TSHZ2: variants seen among roughly 807,000 people sequenced by gnomAD.
TSHZ2 encodes teashirt homolog 2.
TSHZ2 carries 21 observed loss-of-function variants against 74.4 expected under a neutral mutation model. The ratio of observed to expected loss-of-function variants is 0.28; its 90% confidence interval spans 0.20 to 0.41. The LOEUF (loss-of-function observed/expected upper bound fraction) is 0.41. Among genes scored for constraint, TSHZ2 ranks in the 10% least tolerant of loss-of-function variants. TSHZ2 has a pLI of 1.00. For synonymous variants in TSHZ2, 540 were observed against 515.3 expected (o/e 1.05, Z -0.65); for missense variants, 1,244 against 1,293.5 (o/e 0.96, Z 0.59).
intron 2 of TSHZ2, among the ~76,000 whole-genome samples, chr20:53,472,817 A>C (rs1985859831): frequency 6.6e-6 from 1 of 151,846 alleles, no homozygotes; most frequent in African/African-American, 2.4e-5. Flanking sequence ...GCGCGAGCCG[A>C]AGCAGGGTGA....
At chr20:53,137,949 T>C (rs1005781195) in intron 1 of TSHZ2, among the ~76,000 whole-genome samples, 2 of 152,186 alleles carry the variant, frequency 1.3e-5, no homozygotes, top group Admixed American at 6.5e-5. Flanking sequence ...TATTTTTAAG[T>C]GAGCTACTTA....
In TSHZ2 at chr20:53,453,629, G is replaced by C. The variant is rs571087380; in HGVS notation, c.*9-33515G>C. 5.9e-5 allele frequency among the ~76,000 whole-genome samples: 9 copies of C among 152,300 alleles called. No homozygotes were observed. The South Asian group carries it at 6.2e-4, about 11-fold the overall frequency. On this transcript the variant is annotated intron_variant, in intron 2 of 2. Coordinates refer to ENST00000371497, the MANE Select transcript of TSHZ2 (RefSeq NM_173485.6). ...GAAAAGCCACTTATGTGATAATGAA[G>C]ATTAACGTAGGGAGCCGCTGGCTCT...
chr20:53,378,296 C>A (rs943703574), intron 2 of TSHZ2, among the ~76,000 whole-genome samples: 7 of 150,044 alleles, frequency 4.7e-5, no homozygotes, highest in Admixed American at 4.0e-4. Flanking sequence ...GCCAAGATTG[C>A]GCCACTACAC....
intron 1 of TSHZ2, among the ~76,000 whole-genome samples, chr20:53,087,981 A>AT (rs1296284557): frequency 1.3e-5 from 2 of 152,136 alleles, no homozygotes; most frequent in Non-Finnish European, 2.9e-5. Flanking sequence ...ACCTGGCATT[A>AT]TTTTTTAAAA....
intron 1 of TSHZ2, 23 bp downstream of exon 1, chr20:52,973,356 G>C (rs1393863412): frequency 3.9e-6 from 6 of 1,550,660 alleles, no homozygotes; most frequent in Non-Finnish European, 5.2e-6. Flanking sequence ...GCTCCGCTTC[G>C]GGGCTGCCCT....
intron 1 of TSHZ2, among the ~76,000 whole-genome samples, chr20:53,082,718 A>T (rs1985575973): frequency 6.6e-6 from 1 of 152,238 alleles, no homozygotes; most frequent in African/African-American, 2.4e-5. Context: ...AGCCACCTAA[A>T]TGTGAAAGAA....
At chr20:53,412,181 G>C (rs186320919) in intron 2 of TSHZ2, among the ~76,000 whole-genome samples, 3 of 152,150 alleles carry the variant, frequency 2.0e-5, no homozygotes, top group Non-Finnish European at 1.5e-5. Context: ...TAACACGTCC[G>C]GTCCTGCTCT....
intron 1 of TSHZ2, among the ~76,000 whole-genome samples, chr20:53,007,737 C>CGTGT (rs35218931): frequency 0.033 from 4,875 of 148,056 alleles, 197 homozygotes; most frequent in African/African-American, 0.096. Flanking sequence ...TATGTATATT[C>CGTGT]GTGTGTGTGT....
intron 2 of TSHZ2, among the ~76,000 whole-genome samples, chr20:53,384,021 G>A (rs879777109): frequency 6.6e-6 from 1 of 152,110 alleles, no homozygotes; most frequent in African/African-American, 2.4e-5. Flanking sequence ...TCCACCTGGG[G>A]CTCTGCATTT....
intron 1 of TSHZ2, among the ~76,000 whole-genome samples, chr20:52,990,520 C>G (rs1464703869): frequency 6.6e-6 from 1 of 152,128 alleles, no homozygotes; most frequent in East Asian, 1.9e-4. Flanking sequence ...AGAAATCACA[C>G]TTGTCCTCAG....
chr20:53,331,946 C>A (rs978522996), intron 2 of TSHZ2, among the ~76,000 whole-genome samples: 1 of 152,120 alleles, frequency 6.6e-6, no homozygotes, highest in African/African-American at 2.4e-5. Context: ...GGGGTTGGAA[C>A]AAGCTTGAGG....
intron 2 of TSHZ2, among the ~76,000 whole-genome samples, chr20:53,381,307 C>T (rs957376819): frequency 3.3e-5 from 5 of 152,256 alleles, no homozygotes; most frequent in Non-Finnish European, 7.4e-5. Flanking sequence ...ACCTCACATA[C>T]GAAAGGTAGA....
chr20:53,251,261 T>G (rs1161861150), intron 1 of TSHZ2, among the ~76,000 whole-genome samples: 1 of 152,220 alleles, frequency 6.6e-6, no homozygotes, highest in African/African-American at 2.4e-5. Flanking sequence ...ACCCCTTCAT[T>G]CTCCAAGTGA....
intron 2 of TSHZ2, among the ~76,000 whole-genome samples, chr20:53,328,004 A>G (rs1979566387): frequency 6.6e-6 from 1 of 152,210 alleles, no homozygotes; most frequent in Non-Finnish European, 1.5e-5. Context: ...GAAGAGGCCA[A>G]CCAGGGCCTG....
chr20:53,456,499 T>C (rs369109986), intron 2 of TSHZ2, among the ~76,000 whole-genome samples: 1 of 128,228 alleles, frequency 7.8e-6, no homozygotes, highest in Admixed American at 7.9e-5. Context: ...TTCTCCCATT[T>C]TGTAGGTTGC....
At chr20:53,049,736 T>A (rs545175533) in intron 1 of TSHZ2, among the ~76,000 whole-genome samples, 7 of 151,998 alleles carry the variant, frequency 4.6e-5, no homozygotes, top group African/African-American at 7.2e-5. Context: ...AAATGGTGAA[T>A]GAAGCACACA....
chr20:53,465,148 A>G (rs1449236759), intron 2 of TSHZ2, among the ~76,000 whole-genome samples: 1 of 152,168 alleles, frequency 6.6e-6, no homozygotes, highest in African/African-American at 2.4e-5. Context: ...GCAGGGGACA[A>G]TTTAACCTCC....
chr20:53,334,600 G>A (rs1979866426), intron 2 of TSHZ2, among the ~76,000 whole-genome samples: 2 of 152,292 alleles, frequency 1.3e-5, no homozygotes, highest in Non-Finnish European at 2.9e-5. Flanking sequence ...CTGATTTGGG[G>A]CCTTGTAGAG....
rs1359791129 is a variant in TSHZ2, at chr20:53,493,640, G to A, written c.*6505G>A. The A allele has an allele frequency of 6.6e-6, 1 of 151,942 alleles. No individual in the cohort carries two copies. The highest frequency in any genetic ancestry group is 1.5e-5 in the Non-Finnish European group (1 of 68,016). The allele number at this position is 151,942 out of a possible 1,614,324, so 9.4% of individuals were successfully genotyped here. ...CGGCGTGTTCTTCTTCTGCATTAAG[G>A]ATGTTTTTGAAATTACAGAGATTAT... On this transcript the variant is annotated 3_prime_UTR_variant, in exon 3 of 3. Coordinates refer to ENST00000371497, the MANE Select transcript of TSHZ2 (RefSeq NM_173485.6).
Sources: gnomAD v4.1 joint callset for allele counts (sites outside exome capture counted in the v4.1 genomes callset) on GRCh38, gnomAD v4.1.1 for gene constraint, MANE v1.5 for transcripts, NCBI Gene and HGNC (gene_info 2026-07-23, HGNC 2026-07-21) for gene names.